HCN2: variants seen among roughly 807,000 people sequenced by gnomAD.
The protein encoded by HCN2 is potassium/sodium hyperpolarization-activated cyclic nucleotide-gated channel 2.
Under a neutral mutation model 52.3 loss-of-function variants are expected in HCN2, and 20 were observed. The ratio of observed to expected loss-of-function variants is 0.38; its 90% CI spans 0.27 to 0.56. The LOEUF is 0.56. HCN2 is among the 20% of genes least tolerant of loss of function. The probability of loss-of-function intolerance (pLI) is 0.71; values close to 1 mark genes in which losing one functional copy is unlikely to be tolerated. For missense variants in HCN2, 981 were observed against 1,207.7 expected (o/e 0.81, Z 2.78); for synonymous variants, 694 against 537.0 (o/e 1.29, Z -4.04).
At chr19:604,537 G>A (rs1222585071) in intron 2 of HCN2, among the ~76,000 whole-genome samples, 1 of 148,336 alleles carries the variant, frequency 6.7e-6, no homozygotes, top group Non-Finnish European at 1.5e-5. Context: ...TGAGGGTGCT[G>A]GGCGGGGTCA....
chr19:611,219 A>C (rs1983621906), intron 5 of HCN2, among the ~76,000 whole-genome samples: 1 of 152,222 alleles, frequency 6.6e-6, no homozygotes, highest in South Asian at 2.1e-4. Context: ...TTCAACCCAC[A>C]ACACACATCA....
chr19:594,608 G>A (rs1202335016), intron 1 of HCN2, among the ~76,000 whole-genome samples: 2 of 152,184 alleles, frequency 1.3e-5, no homozygotes, highest in South Asian at 2.1e-4. Context: ...GTGGGTCAGC[G>A]GGAGATCAGC....
In HCN2 at chr19:603,558, T is replaced by A. The variant is rs1174243347; in HGVS notation, c.647T>A (p.Phe216Tyr). 1 of 1,605,456 alleles carries A rather than the reference T, an allele frequency of 6.2e-7. No individual in the cohort carries two copies. The highest frequency in any genetic ancestry group is 8.5e-7 in the Non-Finnish European group (1 of 1,174,412). ...CTCGCCCCCAGGTTCTACTGGGACT[T>A]CACCATGCTGCTGTTCATGGTGGGA... ...PYSDFRFYWDFTMLLFMVGNL... is the reference protein window; with the variant it reads ...PYSDFRFYWDYTMLLFMVGNL... The change falls in exon 2 of 8, where the codon TTC (phenylalanine) becomes TAC (tyrosine). Residue 216 changes from phenylalanine (F) to tyrosine (Y), a missense_variant. Phe to Tyr is a conservative substitution (Grantham distance 22). Coordinates refer to ENST00000251287, the MANE Select transcript of HCN2 (RefSeq NM_001194.4).
At chr19:604,983 G>C in intron 2 of HCN2, 78 bp from the exon 3 acceptor site, 1 of 1,467,358 alleles carries the variant, frequency 6.8e-7, no homozygotes, top group Non-Finnish European at 9.2e-7. Flanking sequence ...TCCCGCAGTG[G>C]GGGCGCACGG....
At chr19:615,232 A>G (rs944142928) in intron 7 of HCN2, among the ~76,000 whole-genome samples, 1 of 149,718 alleles carries the variant, frequency 6.7e-6, no homozygotes, top group African/African-American at 2.4e-5. Context: ...GTTTACTGCC[A>G]GGCGCGGTGG....
In HCN2 at chr19:616,012, G is replaced by A. The variant is rs1983894894; in HGVS notation, c.2208G>A (p.Met736Ile). 5.4e-6 allele frequency: 8 copies of A among 1,495,192 alleles called. No homozygotes were observed. The highest frequency in any genetic ancestry group is 1.3e-5 in the South Asian group (1 of 78,860). The allele number at this position is 1,495,192 out of a possible 1,614,324, so 92.6% of individuals were successfully genotyped here. ...AIATLQQAAA[M>I]SFCPQVARPL... is the part of the protein sequence containing the mutation. ...CCACGCTGCAGCAGGCGGCGGCCAT[G>A]AGCTTCTGCCCGCAGGTGGCGCGGC... Residue 736 changes from methionine to isoleucine, a missense_variant, in exon 8 of 8, where the codon ATG becomes ATA. This residue lies in a region of HCN2 where 368 missense variants were observed against 314.8 expected (regional missense o/e 1.17). Coordinates refer to ENST00000251287, the MANE Select transcript of HCN2 (RefSeq NM_001194.4).
chr19:602,463 G>A (rs1007797463), intron 1 of HCN2, among the ~76,000 whole-genome samples: 1 of 151,738 alleles, frequency 6.6e-6, no homozygotes, highest in African/African-American at 2.4e-5. Context: ...TGGAAATGCA[G>A]CCGGTGCTGC....
rs1265923829 is a variant in HCN2 at position 600,877 on chromosome 19, ATCCATAG to A, written c.633-2660_633-2654del. On this transcript the variant is annotated intron_variant, in intron 1 of 7. Coordinates refer to ENST00000251287, the MANE Select transcript of HCN2 (RefSeq NM_001194.4). The stretch of plus-strand genomic sequence containing the variant: ...TTGCTGTTGTACAACCGTCACCACT[ATCCATAG>A]TCCATACCTTTCTCATTCCCCCGGA... Among the ~76,000 whole-genome samples the A allele has an allele frequency of 2.6e-5, 4 of 152,264 alleles. No homozygotes were observed. The East Asian group carries it at 7.7e-4, about 29-fold the overall frequency.
chr19:593,810 C>G (rs1982943817), intron 1 of HCN2, among the ~76,000 whole-genome samples: 1 of 152,108 alleles, frequency 6.6e-6, no homozygotes, highest in South Asian at 2.1e-4. Context: ...GCTCAAGTTC[C>G]CTTCCTTGTA....
At position 613,954 on chromosome 19, in the gene HCN2, A is replaced by T; in HGVS notation, c.1928A>T (p.Glu643Val). ...LSVDNFNEVL[E>V]EYPMMRRAFE... ...GTGGACAACTTCAACGAGGTGCTGG[A>T]GGAGTACCCCATGATGCGGCGCGCC... Residue 643 changes from glutamate (E) to valine (V), a missense_variant, in exon 7 of 8, where the codon GAG becomes GTG. Physicochemically the swap from Glu to Val is moderately radical, Grantham distance 121. This residue lies in a region of HCN2 where 85 missense variants were observed against 106.1 expected (regional missense o/e 0.80). Coordinates refer to ENST00000251287, the MANE Select transcript of HCN2 (RefSeq NM_001194.4). The T allele has an allele frequency of 6.7e-7, 1 of 1,498,392 alleles. No homozygotes were observed. The highest frequency in any genetic ancestry group is 9.0e-7 in the Non-Finnish European group (1 of 1,113,726). 92.8% of individuals were successfully genotyped at this position (1,498,392 alleles called of 1,614,324 possible).
chr19:614,673 A>C (rs1452101072), intron 7 of HCN2, among the ~76,000 whole-genome samples: 2 of 152,048 alleles, frequency 1.3e-5, no homozygotes, highest in Non-Finnish European at 2.9e-5. Context: ...CACAGGGCCC[A>C]GTGGGCGGCA....
intron 1 of HCN2, among the ~76,000 whole-genome samples, chr19:597,498 T>C (rs546405576): frequency 4.6e-5 from 7 of 151,408 alleles, no homozygotes; most frequent in Admixed American, 3.9e-4. Context: ...TCCTTGGCGG[T>C]TTCTAGGTCC....
In HCN2 at chr19:613,936, A is replaced by C. The variant is rs528508156; in HGVS notation, c.1910A>C (p.Asn637Thr). 14 of 1,549,626 alleles carry C rather than the reference A, an allele frequency of 9.0e-6. No individual in the cohort carries two copies. The highest frequency in any genetic ancestry group is 1.1e-5 in the South Asian group (1 of 89,316). ...YCRLYSLSVD[N>T]FNEVLEEYPM... ...CGCCTCTATTCGCTGAGCGTGGACA[A>C]CTTCAACGAGGTGCTGGAGGAGTAC... The change falls in exon 7 of 8, where the codon AAC becomes ACC. Residue 637 changes from asparagine (N) to threonine (T), a missense_variant. Transcript: ENST00000251287.
At chr19:610,533 G>A in intron 5 of HCN2, 128 bp downstream of exon 5, 1 of 793,484 alleles carries the variant, frequency 1.3e-6, no homozygotes. Context: ...ACTCGAGCTA[G>A]ACCTGCGTAC....
intron 1 of HCN2, among the ~76,000 whole-genome samples, chr19:595,591 G>T (rs1444019742): frequency 6.6e-6 from 1 of 152,154 alleles, no homozygotes; most frequent in Non-Finnish European, 1.5e-5. Context: ...CCTCCAAGGA[G>T]CCCTCCCACC....
At chr19:615,236 G>A (rs935564905) in intron 7 of HCN2, among the ~76,000 whole-genome samples, 2 of 149,708 alleles carry the variant, frequency 1.3e-5, no homozygotes, top group African/African-American at 2.4e-5. Context: ...ACTGCCAGGC[G>A]CGGTGGCTCA....
intron 5 of HCN2, among the ~76,000 whole-genome samples, chr19:610,746 C>T (rs979200390): frequency 3.0e-4 from 45 of 152,302 alleles, no homozygotes; most frequent in Non-Finnish European, 4.9e-4. Flanking sequence ...CTGATTGGAG[C>T]GGGTTTAACT....
intron 1 of HCN2, among the ~76,000 whole-genome samples, chr19:597,966 C>G (rs1328466716): frequency 6.6e-6 from 1 of 152,206 alleles, no homozygotes; most frequent in Non-Finnish European, 1.5e-5. Context: ...GCCCTGTGGC[C>G]TTCTCAACTG....
At chr19:610,208 C>T in intron 4 of HCN2, 51 bp from the exon 5 acceptor site, 1 of 1,591,026 alleles carries the variant, frequency 6.3e-7, no homozygotes, top group East Asian at 2.3e-5. Flanking sequence ...GCCCCTGTGC[C>T]CGCTGCAGGC....
Sources: gnomAD v4.1 joint callset for allele counts (sites outside exome capture counted in the v4.1 genomes callset) on GRCh38, gnomAD v4.1.1 for gene constraint, gnomAD v4.1.1 regional missense constraint, MANE v1.5 for transcripts, NCBI Gene and HGNC (gene_info 2026-07-23, HGNC 2026-07-21) for gene names.